MAML2: variants seen among roughly 807,000 people sequenced by gnomAD.
The protein encoded by MAML2 is mastermind-like protein 2.
MAML2 carries 22 observed loss-of-function variants against 96.1 expected under a neutral mutation model. That is an observed-to-expected ratio of 0.23 (90% CI 0.16 to 0.33). MAML2 has a LOEUF of 0.33. Ranked by LOEUF, MAML2 falls within the 10% of genes least tolerant of loss-of-function variation. MAML2 has a pLI of 1.00. For missense variants in MAML2, 1,367 were observed against 1,392.4 expected (o/e 0.98, Z 0.29); for synonymous variants, 561 against 521.3 (o/e 1.08, Z -1.04).
chr11:96,109,782 G>A (rs1248301482), intron 1 of MAML2, among the ~76,000 whole-genome samples: 1 of 152,204 alleles, frequency 6.6e-6, no homozygotes, highest in Non-Finnish European at 1.5e-5. Context: ...GGGCATGTAA[G>A]TGGAGACATC....
rs553390808 is a variant in MAML2, at chr11:96,088,805, A to G, written c.2139+3087T>C. Among the ~76,000 whole-genome samples, 39 of 152,244 alleles carry G rather than the reference A, an allele frequency of 2.6e-4. 1 individual carries two copies. The highest frequency in any genetic ancestry group is 2.3e-3 in the Admixed American group (35 of 15,300). On this transcript the variant is annotated intron_variant, in intron 2 of 4. Coordinates refer to ENST00000524717, the MANE Select transcript of MAML2 (RefSeq NM_032427.4). ...GGAAAATAGAGGTAGGTACACAGTA[A>G]AAGAGAAGGGGCACAGGAATTGCCC...
chr11:96,254,989 T>G (rs980172849), intron 1 of MAML2, among the ~76,000 whole-genome samples: 2 of 151,900 alleles, frequency 1.3e-5, no homozygotes, highest in Non-Finnish European at 2.9e-5. Context: ...CTAAAATTTT[T>G]TTGGCATTTT....
In MAML2 at chr11:96,221,488, C is replaced by G. The variant is rs186469648; in HGVS notation, c.513+119895G>C. On this transcript the variant is annotated intron_variant, in intron 1 of 4. Transcript: ENST00000524717. ...AACACTGTGGAGGCCAGGCTATACC[C>G]GAGGTTAGAGACCCCACCTTTAAAA... 5.5e-3 allele frequency among the ~76,000 whole-genome samples: 839 copies of G among 152,138 alleles called. 9 individuals are homozygous for G. The highest frequency in any genetic ancestry group is 0.019 in the African/African-American group (809 of 41,494).
intron 1 of MAML2, among the ~76,000 whole-genome samples, chr11:96,326,660 TGG>T (rs1863788943): frequency 1.3e-5 from 2 of 151,746 alleles, no homozygotes; most frequent in African/African-American, 4.8e-5. Flanking sequence ...TAGCCAGGTA[TGG>T]TGTGATGGGC....
At chr11:96,237,769 C>A (rs969294624) in intron 1 of MAML2, among the ~76,000 whole-genome samples, 4 of 152,190 alleles carry the variant, frequency 2.6e-5, no homozygotes, top group Non-Finnish European at 5.9e-5. Flanking sequence ...CGCCTACTTT[C>A]TTCAAGGCTC....
At chr11:96,032,358 G>A (rs191809932) in intron 2 of MAML2, among the ~76,000 whole-genome samples, 12 of 152,230 alleles carry the variant, frequency 7.9e-5, no homozygotes, top group African/African-American at 2.6e-4. Context: ...GGAGGCCGAG[G>A]CAGGTGGATC....
Position 95,978,957 on chromosome 11 carries a change from G to T in MAML2, c.3462C>A (p.Asn1154Lys). Residue 1154 changes from asparagine (N) to lysine (K), a missense_variant, in exon 5 of 5, where the codon AAC (asparagine) becomes AAA (lysine). Coordinates refer to ENST00000524717, the MANE Select transcript of MAML2 (RefSeq NM_032427.4). ...KDINLDEILG[N>K]NS is the part of the protein sequence containing the mutation. ...GTCTTCCCTTTCTTCTTTAGGAATT[G>T]TTCCCCAAGATTTCATCAAGATTGA... 2.5e-6 allele frequency: 4 copies of T among 1,605,612 alleles called. No individual in the cohort carries two copies. The highest frequency in any genetic ancestry group is 2.6e-6 in the Non-Finnish European group (3 of 1,176,114).
chr11:96,326,955 G>C (rs1050087597), intron 1 of MAML2, among the ~76,000 whole-genome samples: 1 of 152,038 alleles, frequency 6.6e-6, no homozygotes, highest in Non-Finnish European at 1.5e-5. Context: ...TACATTGAAC[G>C]GAATATAGGA....
chr11:96,023,232 C>A (rs1176844450), intron 2 of MAML2, among the ~76,000 whole-genome samples: 1 of 152,206 alleles, frequency 6.6e-6, no homozygotes, highest in African/African-American at 2.4e-5. Context: ...TGCGTCCCTT[C>A]CTGATTTGCA....
intron 3 of MAML2, among the ~76,000 whole-genome samples, chr11:95,987,686 G>A (rs1857848733): frequency 6.6e-6 from 1 of 152,168 alleles, no homozygotes; most frequent in Admixed American, 6.5e-5. Flanking sequence ...CTATAAAGGA[G>A]AGGAAAAAGC....
intron 1 of MAML2, among the ~76,000 whole-genome samples, chr11:96,276,174 T>G (rs1862985610): frequency 6.6e-6 from 1 of 152,252 alleles, no homozygotes; most frequent in Non-Finnish European, 1.5e-5. Context: ...TCCTGGTCCA[T>G]TCTCTACTTC....
At chr11:96,013,435 C>T (rs188883191) in intron 2 of MAML2, among the ~76,000 whole-genome samples, 103 of 151,978 alleles carry the variant, frequency 6.8e-4, no homozygotes, top group African/African-American at 2.4e-3. Flanking sequence ...AGAGTGTGGT[C>T]CCTTTAAATG....
chr11:96,177,838 G>C (rs1861410468), intron 1 of MAML2, among the ~76,000 whole-genome samples: 1 of 151,794 alleles, frequency 6.6e-6, no homozygotes, highest in African/African-American at 2.4e-5. Context: ...ATTTCTTCAT[G>C]TTGGAATTCA....
chr11:96,033,633 A>G (rs1408581743), intron 2 of MAML2, among the ~76,000 whole-genome samples: 1 of 152,222 alleles, frequency 6.6e-6, no homozygotes, highest in Non-Finnish European at 1.5e-5. Flanking sequence ...TGGATGGTGC[A>G]TGGCAGAGGA....
intron 1 of MAML2, among the ~76,000 whole-genome samples, chr11:96,178,654 T>A (rs934683066): frequency 2.0e-5 from 3 of 152,198 alleles, no homozygotes; most frequent in Non-Finnish European, 4.4e-5. Context: ...CCAGCTTTAA[T>A]CAAGCTTGAT....
In MAML2 at chr11:96,092,862, G is replaced by A. The variant is rs1485792049; in HGVS notation, c.1169C>T (p.Ala390Val). The part of the protein sequence containing the change: ...PQLRPPSAGP[A>V]FSMANSALST... ...GAGGGCAGAGTTGGCCATGGAGAAT[G>A]CGGGGCCAGCTGATGGGGGCCTCAG... Residue 390 changes from alanine to valine, a missense_variant, in exon 2 of 5, where the codon GCA becomes GTA. Physicochemically the swap from Ala to Val is moderately conservative, Grantham distance 64. Transcript: ENST00000524717. This position sits in a 1 kb window ranked among gnomAD's most constrained non-coding sequence, Gnocchi z 4.1. 6.2e-6 allele frequency: 10 copies of A among 1,606,684 alleles called. No individual in the cohort carries two copies. The highest frequency in any genetic ancestry group is 1.1e-5 in the South Asian group (1 of 89,702).
chr11:96,199,616 C>T (rs181857868), intron 1 of MAML2, among the ~76,000 whole-genome samples: 87 of 151,660 alleles, frequency 5.7e-4, no homozygotes, highest in African/African-American at 1.9e-3. Flanking sequence ...CGGGCTATGG[C>T]GGTTCTATTG....
At chr11:96,081,157 G>A (rs1008591230) in intron 2 of MAML2, among the ~76,000 whole-genome samples, 3 of 152,092 alleles carry the variant, frequency 2.0e-5, no homozygotes, top group South Asian at 2.1e-4. Context: ...GATGAAAGAC[G>A]TGTTCTTGCT....
chr11:96,160,741 T>C (rs551947895), intron 1 of MAML2, among the ~76,000 whole-genome samples: 2 of 152,358 alleles, frequency 1.3e-5, no homozygotes, highest in African/African-American at 4.8e-5. Flanking sequence ...TTTTCTGATT[T>C]TTAAAGTAGG....
Sources: gnomAD v4.1 joint callset for allele counts (sites outside exome capture counted in the v4.1 genomes callset) on GRCh38, gnomAD v4.1.1 for gene constraint, Gnocchi (gnomAD v3.1) non-coding constraint, MANE v1.5 for transcripts, NCBI Gene and HGNC (gene_info 2026-07-23, HGNC 2026-07-21) for gene names.